The following TSHR variants were observed in gnomAD, a reference collection of about 807,000 sequenced individuals.
TSHR encodes the protein thyrotropin receptor.
In TSHR, 51 loss-of-function variants were observed where a neutral mutation model predicts 64.1. The ratio of observed to expected loss-of-function variants is 0.80; its 90% CI spans 0.64 to 1.01. TSHR has a LOEUF of 1.01. TSHR is among the 50% of genes least tolerant of loss of function. The pLI is 0.00. For missense variants in TSHR, 877 were observed against 942.8 expected (o/e 0.93, Z 0.91); for synonymous variants, 361 against 361.9 (o/e 1.00, Z 0.03).
intron 2 of TSHR, among the ~76,000 whole-genome samples, chr14:81,067,925 CACTA>C (rs2139907772): frequency 2.0e-5 from 1 of 50,020 alleles, no homozygotes; most frequent in East Asian, 4.4e-4. Context: ...CACAGGGTGA[CACTA>C]TATATATATA....
At chr14:81,036,033 A>G (rs749304856) in intron 1 of TSHR, among the ~76,000 whole-genome samples, 4 of 152,170 alleles carry the variant, frequency 2.6e-5, no homozygotes, top group African/African-American at 4.8e-5. Flanking sequence ...CAAATAACCT[A>G]GTCAGAGATC....
rs570878432 is a variant in TSHR at position 80,991,221 on chromosome 14, C to T, written c.170+35371C>T. Among the ~76,000 whole-genome samples the T allele has an allele frequency of 5.3e-5, 8 of 152,260 alleles. No homozygotes were observed. The South Asian group carries it at 1.7e-3, about 32-fold the overall frequency. On this transcript the variant is annotated intron_variant, in intron 1 of 9. Transcript: ENST00000298171. ...TCTTTGTCCTCAGATATAACTCGTA[C>T]CCTAAATGCAAGTTGTTTACCAGTG...
At chr14:81,033,803 G>A (rs888152747) in intron 1 of TSHR, among the ~76,000 whole-genome samples, 3 of 152,154 alleles carry the variant, frequency 2.0e-5, no homozygotes, top group Non-Finnish European at 4.4e-5. Flanking sequence ...TTCTAATTTA[G>A]GTTATGAAGA....
chr14:81,005,442 A>AT (rs61096294), intron 1 of TSHR, among the ~76,000 whole-genome samples: 42,294 of 151,850 alleles, frequency 0.28, 6,237 homozygotes, highest in East Asian at 0.4. Flanking sequence ...AAGTTCTAAT[A>AT]TTTTTCTGCA....
Position 80,986,818 on chromosome 14 carries a change from T to G in TSHR, c.170+30968T>G, listed in dbSNP as rs147614512. Among the ~76,000 whole-genome samples the G allele has an allele frequency of 1.3e-3, 200 of 152,312 alleles. 1 individual carries two copies. Among genetic ancestry groups the G allele is most frequent in the African/African-American group, 3.9e-3 (163 of 41,586 alleles). On this transcript the variant is annotated intron_variant, in intron 1 of 9. Coordinates refer to ENST00000298171, the MANE Select transcript of TSHR (RefSeq NM_000369.5). ...TATCATTCTATCACACTATTTTAATTATATATTAATTTGTCTGTATCATCT... is the reference window on the plus strand; with the variant it reads ...TATCATTCTATCACACTATTTTAATGATATATTAATTTGTCTGTATCATCT...
intron 8 of TSHR, among the ~76,000 whole-genome samples, chr14:81,136,121 G>A (rs904485265): frequency 6.6e-6 from 1 of 152,198 alleles, no homozygotes; most frequent in Non-Finnish European, 1.5e-5. Context: ...TAAAGGGCAT[G>A]GTAGGAAGCG....
intron 2 of TSHR, among the ~76,000 whole-genome samples, chr14:81,064,095 AG>A (rs1291110861): frequency 2.0e-5 from 3 of 152,138 alleles, no homozygotes; most frequent in African/African-American, 7.2e-5. Flanking sequence ...GGTTTTAAGC[AG>A]GCAAGAGAAA....
Position 81,103,632 on chromosome 14 carries a change from G to A in TSHR, c.615-4743G>A, listed in dbSNP as rs796091649. 3.8e-5 allele frequency: 37 copies of A among 985,428 alleles called. No homozygotes were observed. In the African/African-American group the frequency reaches 4.5e-4, roughly 12 times the overall value. 61.0% of individuals were successfully genotyped at this position (985,428 alleles called of 1,614,324 possible). A position where few individuals can be genotyped will look rare whatever the true frequency, so the allele number is the denominator to read the frequency against. ...ACATTGTCCTATGACTTCCTATGGC[G>A]CCAAGAATGTTGTCATCACTCAGAG... On this transcript the variant is annotated intron_variant, in intron 7 of 9. Coordinates refer to ENST00000298171, the MANE Select transcript of TSHR (RefSeq NM_000369.5). The surrounding 1 kb of genome is among the most constrained non-coding windows in gnomAD (Gnocchi z 4.1).
At chr14:81,120,031 G>C (rs1890720377) in intron 8 of TSHR, among the ~76,000 whole-genome samples, 1 of 108,776 alleles carries the variant, frequency 9.2e-6, no homozygotes, top group Non-Finnish European at 1.9e-5. Context: ...GACTGTTGTG[G>C]GGTGGGGGGA....
At position 80,955,859 on chromosome 14, in the gene TSHR, C is replaced by T. The variant is rs775650042; in HGVS notation, c.170+9C>T. ...CCCAGTACGCAGACTCTGTGAGTAC[C>T]CGGGAGAGATCAGGGTAGGACCCAG... On this transcript the variant is annotated intron_variant, in intron 1 of 9. Transcript: ENST00000298171. 6.2e-7 allele frequency: 1 copy of T among 1,614,100 alleles called. No individual in the cohort carries two copies. Among genetic ancestry groups the T allele is most frequent in the South Asian group, 1.1e-5 (1 of 91,090 alleles).
intron 9 of TSHR, among the ~76,000 whole-genome samples, chr14:81,140,940 T>C (rs900805587): frequency 1.3e-5 from 2 of 152,132 alleles, no homozygotes; most frequent in Non-Finnish European, 2.9e-5. Flanking sequence ...GCCAACATGG[T>C]GAAACCCCGT....
chr14:81,030,088 G>A (rs765925847), intron 1 of TSHR, among the ~76,000 whole-genome samples: 1 of 152,120 alleles, frequency 6.6e-6, no homozygotes, highest in African/African-American at 2.4e-5. Context: ...AATTACTGGA[G>A]CATATTTATT....
At chr14:80,980,391 G>A (rs1318157141) in intron 1 of TSHR, among the ~76,000 whole-genome samples, 1 of 152,088 alleles carries the variant, frequency 6.6e-6, no homozygotes, top group African/African-American at 2.4e-5. Flanking sequence ...TAAATAAAAT[G>A]TTACAGCAAC....
intron 6 of TSHR, among the ~76,000 whole-genome samples, chr14:81,096,403 G>A (rs1889192610): frequency 6.6e-6 from 1 of 152,126 alleles, no homozygotes; most frequent in African/African-American, 2.4e-5. Flanking sequence ...ATATGATTCT[G>A]AGAAACACCT....
chr14:81,144,389 T>TA lies in TSHR; in HGVS notation c.*37dup. The TA allele has an allele frequency of 2.5e-6, 4 of 1,603,084 alleles. No individual in the cohort carries two copies. The highest frequency in any genetic ancestry group is 3.4e-6 in the Non-Finnish European group (4 of 1,171,014). On this transcript the variant is annotated 3_prime_UTR_variant, in exon 10 of 10. Coordinates refer to ENST00000298171, the MANE Select transcript of TSHR (RefSeq NM_000369.5). Reference sequence around the variant, plus strand: ...CACTACTCACAATGGTAGGGGAACTTACAAAATAATAGTTTCTTGAATATG... The same window carrying TA: ...CACTACTCACAATGGTAGGGGAACTTAACAAAATAATAGTTTCTTGAATATG...
intron 1 of TSHR, among the ~76,000 whole-genome samples, chr14:80,956,769 C>T (rs1012741341): frequency 6.6e-6 from 1 of 152,122 alleles, no homozygotes; most frequent in Non-Finnish European, 1.5e-5. Context: ...AAGAATTTAG[C>T]TCATGAAGAC....
chr14:81,047,937 C>T (rs1373228373), intron 1 of TSHR, among the ~76,000 whole-genome samples: 5 of 152,072 alleles, frequency 3.3e-5, no homozygotes, highest in Admixed American at 2.0e-4. Flanking sequence ...TGAGCCACCG[C>T]GCCCGGCCTG....
chr14:81,094,930 C>A (rs1889053214), intron 6 of TSHR, among the ~76,000 whole-genome samples: 1 of 152,048 alleles, frequency 6.6e-6, no homozygotes, highest in Non-Finnish European at 1.5e-5. Context: ...TAATTTATCA[C>A]ATTTTTAGAG....
chr14:81,106,363 CA>C (rs1278379772), intron 7 of TSHR, among the ~76,000 whole-genome samples: 6 of 152,186 alleles, frequency 3.9e-5, no homozygotes, highest in Admixed American at 3.9e-4. Context: ...TCGTCTGTGT[CA>C]CCCTAAGAGT....
Sources: gnomAD v4.1 joint callset for allele counts (sites outside exome capture counted in the v4.1 genomes callset) on GRCh38, gnomAD v4.1.1 for gene constraint, Gnocchi (gnomAD v3.1) non-coding constraint, MANE v1.5 for transcripts, NCBI Gene and HGNC (gene_info 2026-07-23, HGNC 2026-07-21) for gene names.